Variants in ELF2 observed in about 807,000 individuals in gnomAD.
ELF2 encodes the protein ETS-related transcription factor Elf-2.
ELF2 carries 11 observed loss-of-function variants against 54.8 expected under a neutral mutation model. The ratio of observed to expected loss-of-function variants is 0.20; its 90% CI spans 0.13 to 0.33. The LOEUF is 0.33. Ranked by LOEUF, ELF2 falls within the 10% of genes least tolerant of loss-of-function variation. The pLI is 1.00. For synonymous variants in ELF2, 203 were observed against 245.1 expected (o/e 0.83, Z 1.61); for missense variants, 513 against 703.0 (o/e 0.73, Z 3.06).
intron 4 of ELF2, 71 bp from the exon 5 acceptor site, chr4:139,073,638 T>G: frequency 1.3e-6 from 1 of 789,558 alleles, no homozygotes. Flanking sequence ...TACTAAGAAA[T>G]AAACATATTC....
chr4:139,148,883 A>G (rs1739551299), intron 1 of ELF2, among the ~76,000 whole-genome samples: 1 of 152,206 alleles, frequency 6.6e-6, no homozygotes, highest in Non-Finnish European at 1.5e-5. Flanking sequence ...TCATATCCTC[A>G]CCAACAAAAT....
intron 3 of ELF2, chr4:139,137,155 C>G (rs1738264029): frequency 6.5e-6 from 1 of 153,382 alleles, no homozygotes; most frequent in Non-Finnish European, 1.5e-5. Flanking sequence ...TTCTGACTTA[C>G]TAATTATCTA....
intron 1 of ELF2, among the ~76,000 whole-genome samples, chr4:139,151,897 T>C (rs1560872739): frequency 1.3e-5 from 2 of 152,246 alleles, no homozygotes; most frequent in South Asian, 4.1e-4. Flanking sequence ...TGCTTCTTAA[T>C]ACAAGTCCTA....
rs941190685 is a variant in ELF2, at chr4:139,057,549, T to C, written c.*1434A>G. 6.6e-6 allele frequency: 1 copy of C among 152,226 alleles called. No homozygotes were observed. The highest frequency in any genetic ancestry group is 2.4e-5 in the African/African-American group (1 of 41,464). 9.4% of individuals were successfully genotyped at this position (152,226 alleles called of 1,614,324 possible). On this transcript the variant is annotated 3_prime_UTR_variant, in exon 10 of 10. Coordinates refer to ENST00000686138, the MANE Select transcript of ELF2 (RefSeq NM_001331036.3). ...ATCTGTAAAAGGGCTAGAAGAGTAA[T>C]TGTTCTTTTTAATCCACAAAAGGTC...
At chr4:139,148,316 ATTTTTTTTTTTTTTT>A (rs772079635) in intron 1 of ELF2, among the ~76,000 whole-genome samples, 56 of 64,534 alleles carry the variant, frequency 8.7e-4, no homozygotes, top group Non-Finnish European at 1.3e-3. Context: ...TACCTGGCTA[ATTTTTTTTTTTTTTT>A]TTTTTTTTTT....
At chr4:139,114,565 A>ACACACACACACACACACACACACACC (rs1735363569) in intron 4 of ELF2, among the ~76,000 whole-genome samples, 1 of 87,558 alleles carries the variant, frequency 1.1e-5, no homozygotes, top group Non-Finnish European at 2.6e-5. Flanking sequence ...TCAGTCTCAC[A>ACACACACACACACACACACACACACC]CACACACACA....
At chr4:139,143,921 A>G (rs1738960382) in intron 1 of ELF2, among the ~76,000 whole-genome samples, 1 of 152,152 alleles carries the variant, frequency 6.6e-6, no homozygotes, top group African/African-American at 2.4e-5. Context: ...CCTTGCCACA[A>G]AATCAGCCTA....
At chr4:139,071,336 T>C (rs1729484678) in intron 6 of ELF2, among the ~76,000 whole-genome samples, 2 of 151,982 alleles carry the variant, frequency 1.3e-5, no homozygotes, top group Non-Finnish European at 2.9e-5. Flanking sequence ...ACTGTTTATT[T>C]AGGTTTTTTG....
chr4:139,107,166 G>C (rs1734499928), intron 4 of ELF2, among the ~76,000 whole-genome samples: 1 of 152,194 alleles, frequency 6.6e-6, no homozygotes, highest in South Asian at 2.1e-4. Context: ...AAAGGTTCAT[G>C]ACACAAAAAG....
intron 4 of ELF2, among the ~76,000 whole-genome samples, chr4:139,111,239 G>A (rs1389207251): frequency 6.6e-6 from 1 of 152,118 alleles, no homozygotes; most frequent in East Asian, 1.9e-4. Flanking sequence ...ATGCAGCGCT[G>A]AAAATACAGA....
At chr4:139,150,697 TA>T in intron 1 of ELF2, among the ~76,000 whole-genome samples, 1 of 151,706 alleles carries the variant, frequency 6.6e-6, no homozygotes, top group East Asian at 1.9e-4. Context: ...ATTGAAAACT[TA>T]ATACAGGAAA....
intron 3 of ELF2, among the ~76,000 whole-genome samples, chr4:139,134,005 A>G (rs574203069): frequency 1.2e-4 from 19 of 152,262 alleles, no homozygotes; most frequent in South Asian, 8.3e-4. Flanking sequence ...GCTGCCTTGT[A>G]GTAATGTTGC....
chr4:139,156,476 G>A (rs1267780645), intron 1 of ELF2, among the ~76,000 whole-genome samples: 1 of 151,878 alleles, frequency 6.6e-6, no homozygotes, highest in East Asian at 2.0e-4. Flanking sequence ...ACCATGCCCG[G>A]CCAAACTTAT....
At chr4:139,155,113 T>C (rs971624940) in intron 1 of ELF2, 1 of 152,194 alleles carries the variant, frequency 6.6e-6, no homozygotes, top group Admixed American at 6.6e-5. Flanking sequence ...CAGAGCTGTA[T>C]TACACTGCTA....
intron 1 of ELF2, among the ~76,000 whole-genome samples, chr4:139,142,594 G>A (rs991912888): frequency 6.6e-6 from 1 of 152,116 alleles, no homozygotes; most frequent in African/African-American, 2.4e-5. Context: ...TTAGCAGGCT[G>A]CAATAATATA....
Position 139,125,399 on chromosome 4 carries a change from G to C in ELF2, c.73-70C>G. The C allele has an allele frequency of 2.6e-6, 4 of 1,559,362 alleles. No homozygotes were observed. In the East Asian group the frequency reaches 6.8e-5, roughly 26 times the overall value. On this transcript the variant is annotated intron_variant, in intron 3 of 9. Coordinates refer to ENST00000686138, the MANE Select transcript of ELF2 (RefSeq NM_001331036.3). ...ATTCTGAATTCACTTATAAATCCTT[G>C]AACTAATACAGTCTCGAGCAGTCCA...
intron 7 of ELF2, among the ~76,000 whole-genome samples, chr4:139,063,147 A>G (rs1193581824): frequency 6.6e-6 from 1 of 152,172 alleles, no homozygotes; most frequent in Non-Finnish European, 1.5e-5. Context: ...AATCCCAGTT[A>G]CTTGGGAGGC....
At chr4:139,136,706 A>G (rs949258856) in intron 3 of ELF2, 1 of 134,768 alleles carries the variant, frequency 7.4e-6, no homozygotes, top group Non-Finnish European at 1.5e-5. Context: ...GCTCTGTCGC[A>G]CAGGCTGGAG....
rs775754789 is a variant in ELF2 at position 139,079,203 on chromosome 4, T to TA, written c.239-5637dup. ...CCTTGGCCTCCCAAAGTGCTGGGAT[T>TA]ACAGGCATAAATCACCATGCCTGGC... On this transcript the variant is annotated intron_variant, in intron 4 of 9. Coordinates refer to ENST00000686138, the MANE Select transcript of ELF2 (RefSeq NM_001331036.3). Among the ~76,000 whole-genome samples the TA allele has an allele frequency of 6.6e-5, 10 of 152,170 alleles. No individual in the cohort carries two copies. The East Asian group carries it at 7.7e-4, about 12-fold the overall frequency.
Sources: allele counts gnomAD v4.1 joint callset (sites outside exome capture counted in the v4.1 genomes callset), GRCh38; gene constraint gnomAD v4.1.1; transcripts MANE v1.5; gene names NCBI Gene and HGNC (gene_info 2026-07-23, HGNC 2026-07-21).